Variants in CNIH3 observed in about 807,000 individuals in gnomAD.
CNIH3 encodes cornichon family AMPA receptor auxiliary protein 3, also known as protein cornichon homolog 3.
In CNIH3, 14 loss-of-function variants were observed where a neutral mutation model predicts 24.1. That is an observed-to-expected ratio of 0.58 (90% CI 0.38 to 0.91). The LOEUF (loss-of-function observed/expected upper bound fraction) is 0.91. CNIH3 is among the 40% of genes least tolerant of loss of function. CNIH3 has a pLI of 0.00. For synonymous variants in CNIH3, 68 were observed against 73.8 expected, an observed-to-expected ratio of 0.92 and a Z score of 0.40; for missense variants, 178 against 196.8, an observed-to-expected ratio of 0.90 and a Z score of 0.57.
At chr1:224,562,748 T>C (rs1389335227) in intron 3 of CNIH3, among the ~76,000 whole-genome samples, 1 of 152,014 alleles carries the variant, frequency 6.6e-6, no homozygotes, top group East Asian at 1.9e-4. Context: ...TGTCTCTCTC[T>C]TGCCCCGTCC....
chr1:224,728,263 C>T (rs1483169620), intron 3 of CNIH3, among the ~76,000 whole-genome samples: 1 of 152,186 alleles, frequency 6.6e-6, no homozygotes, highest in Non-Finnish European at 1.5e-5. Context: ...GGCTGGCGCA[C>T]CCAGCTCTGA....
Position 224,452,577 on chromosome 1 carries a change from T to C in CNIH3, n.203+17715T>C, listed in dbSNP as rs185386557. ...TGGGCGGATCACAAGGTCAGGAGAT[T>C]GAGACCATCCTGGCTAACACGGTGA... is the stretch of plus-strand genomic sequence containing the variant. On this transcript the variant is annotated intron_variant and non_coding_transcript_variant, in intron 1 of 5. Transcript: ENST00000471578. Among the ~76,000 whole-genome samples the C allele has an allele frequency of 5.8e-3, 867 of 150,456 alleles. 5 individuals are homozygous for C. Among genetic ancestry groups the C allele is most frequent in the Admixed American group, 0.013 (194 of 15,112 alleles).
At chr1:224,587,353 C>A (rs1681553583) in intron 5 of CNIH3, 1 of 152,344 alleles carries the variant, frequency 6.6e-6, no homozygotes, top group Non-Finnish European at 1.5e-5. Context: ...CAGATGAGAC[C>A]AGAAGCAACC....
Position 224,616,973 on chromosome 1 carries a change from G to A in CNIH3, c.-202G>A. ...TTTTCCTGTCTTCGCCGGAGGGCCG[G>A]GTCTGGGGTCGCCGGAGCCTGCGGG... On this transcript the variant is annotated 5_prime_UTR_variant, in exon 1 of 6. Coordinates refer to ENST00000272133, the MANE Select transcript of CNIH3 (RefSeq NM_152495.2). 1.4e-6 allele frequency: 2 copies of A among 1,413,112 alleles called. No homozygotes were observed. The highest frequency in any genetic ancestry group is 1.8e-6 in the Non-Finnish European group (2 of 1,089,558). 87.5% of individuals were successfully genotyped at this position (1,413,112 alleles called of 1,614,324 possible).
chr1:224,698,737 G>A (rs1687312081), intron 3 of CNIH3, among the ~76,000 whole-genome samples: 1 of 152,220 alleles, frequency 6.6e-6, no homozygotes, highest in Admixed American at 6.5e-5. Flanking sequence ...TTTGTAAAAA[G>A]CGTGCTTTCC....
At chr1:224,705,372 G>C (rs1325948053) in intron 3 of CNIH3, among the ~76,000 whole-genome samples, 1 of 152,204 alleles carries the variant, frequency 6.6e-6, no homozygotes, top group Non-Finnish European at 1.5e-5. Flanking sequence ...CCGGGCGCTG[G>C]CCTGGAGCCC....
At chr1:224,527,427 T>G (rs1012876076) in intron 2 of CNIH3, among the ~76,000 whole-genome samples, 1 of 152,214 alleles carries the variant, frequency 6.6e-6, no homozygotes, top group Non-Finnish European at 1.5e-5. Context: ...AAAGCACCAG[T>G]GAAACGGCTG....
Position 224,617,061 on chromosome 1 carries a change from A to G in CNIH3, c.-114A>G, listed in dbSNP as rs1683038062. The G allele has an allele frequency of 8.6e-6, 13 of 1,514,934 alleles. No homozygotes were observed. The highest frequency in any genetic ancestry group is 2.3e-4 in the Middle Eastern group (1 of 4,338). The allele number at this position is 1,514,934 out of a possible 1,614,324, so 93.8% of individuals were successfully genotyped here. A position where few individuals can be genotyped will look rare whatever the true frequency, so the allele number is the denominator to read the frequency against. ...CTAGCTGTGCGCCCTCCTGGGCACT[A>G]GCCTGGAGAGGAGCGTGCAGACGCG... On this transcript the variant is annotated 5_prime_UTR_variant, in exon 1 of 6. The change abolishes the stop of an existing upstream ORF in the 5' untranslated region. Coordinates refer to ENST00000272133, the MANE Select transcript of CNIH3 (RefSeq NM_152495.2).
chr1:224,568,145 C>T (rs1680661672), intron 4 of CNIH3, among the ~76,000 whole-genome samples: 2 of 152,066 alleles, frequency 1.3e-5, no homozygotes, highest in African/African-American at 4.8e-5. Flanking sequence ...CAAAAATTAG[C>T]TGGGCATGGT....
intron 1 of CNIH3, among the ~76,000 whole-genome samples, chr1:224,505,313 A>G (rs1161885738): frequency 6.6e-6 from 1 of 151,918 alleles, no homozygotes; most frequent in East Asian, 1.9e-4. Context: ...AGGAAAAAAA[A>G]AAAAAAAAGT....
upstream of CNIH3, among the ~76,000 whole-genome samples, chr1:224,611,862 C>T (rs1039293364): frequency 1.3e-5 from 2 of 152,162 alleles, no homozygotes; most frequent in Admixed American, 1.3e-4. Flanking sequence ...GACTAGAAAC[C>T]TTGTGGATCC....
At chr1:224,556,727 G>A (rs1434598012) in intron 3 of CNIH3, among the ~76,000 whole-genome samples, 2 of 152,214 alleles carry the variant, frequency 1.3e-5, no homozygotes, top group East Asian at 1.9e-4. Flanking sequence ...AGGAGGCAGA[G>A]CTCAGGCAGT....
At chr1:224,667,837 T>C (rs1353559066) in intron 1 of CNIH3, among the ~76,000 whole-genome samples, 2 of 151,946 alleles carry the variant, frequency 1.3e-5, no homozygotes, top group African/African-American at 4.8e-5. Context: ...TAAGGTGACA[T>C]GCATTAGGGT....
intron 1 of CNIH3, among the ~76,000 whole-genome samples, chr1:224,654,564 G>A (rs968431914): frequency 9.2e-5 from 14 of 152,164 alleles, no homozygotes; most frequent in African/African-American, 3.1e-4. Flanking sequence ...TTTAGCCACT[G>A]TTGATGCCTG....
At chr1:224,567,360 C>T (rs548995275) in intron 4 of CNIH3, among the ~76,000 whole-genome samples, 4 of 152,240 alleles carry the variant, frequency 2.6e-5, no homozygotes, top group South Asian at 2.1e-4. Context: ...TGTGCAGAAG[C>T]GCTTTAGTTT....
chr1:224,740,524 CTA>C lies in CNIH3; in HGVS notation c.*1170_*1171del, dbSNP rs1238911075. 6.6e-6 allele frequency: 1 copy of C among 152,192 alleles called. No homozygotes were observed. Among genetic ancestry groups the C allele is most frequent in the Non-Finnish European group, 1.5e-5 (1 of 68,042 alleles). The allele number at this position is 152,192 out of a possible 1,614,324, so 9.4% of individuals were successfully genotyped here. A position where few individuals can be genotyped will look rare whatever the true frequency, so the allele number is the denominator to read the frequency against. ...TGTTTGTGTAGCAACACATTGTGTG[CTA>C]TGTTTATTAAAATGCAGCGACAACT... On this transcript the variant is annotated 3_prime_UTR_variant, in exon 6 of 6. Transcript: ENST00000272133.
intron 1 of CNIH3, among the ~76,000 whole-genome samples, chr1:224,671,587 C>A (rs1223415193): frequency 6.6e-6 from 1 of 152,242 alleles, no homozygotes; most frequent in African/African-American, 2.4e-5. Flanking sequence ...CTGGACATTG[C>A]TAACGACCTC....
intron 1 of CNIH3, among the ~76,000 whole-genome samples, chr1:224,673,383 C>G (rs868605654): frequency 1.3e-5 from 2 of 152,184 alleles, no homozygotes; most frequent in Non-Finnish European, 2.9e-5. Flanking sequence ...GACCTCCCCT[C>G]CCCCTGCTGT....
intron 4 of CNIH3, among the ~76,000 whole-genome samples, chr1:224,577,265 C>A (rs1396555139): frequency 6.6e-6 from 1 of 152,056 alleles, no homozygotes; most frequent in Non-Finnish European, 1.5e-5. Context: ...ACAGAGTAAA[C>A]AGACAACTCA....
Sources: allele counts gnomAD v4.1 joint callset (sites outside exome capture counted in the v4.1 genomes callset), GRCh38; gene constraint gnomAD v4.1.1; transcripts MANE v1.5; gene names NCBI Gene and HGNC (gene_info 2026-07-23, HGNC 2026-07-21).